Variants in ADAMTSL1 observed in about 807,000 individuals in gnomAD.
ADAMTSL1 encodes the protein ADAMTS-like protein 1.
In ADAMTSL1, 126 loss-of-function variants were observed where a neutral mutation model predicts 201.8. That is an observed-to-expected ratio of 0.62 (90% confidence interval 0.54 to 0.72). The LOEUF (loss-of-function observed/expected upper bound fraction) is 0.72, where lower values mean the gene tolerates loss of function less well. Ranked by LOEUF, ADAMTSL1 falls within the 30% of genes least tolerant of loss-of-function variation. The pLI is 0.00. For synonymous variants in ADAMTSL1, 1,121 were observed against 903.4 expected (o/e 1.24, Z -4.32); for missense variants, 2,679 against 2,277.8 (o/e 1.18, Z -3.59).
intron 2 of ADAMTSL1, among the ~76,000 whole-genome samples, chr9:18,407,828 T>C (rs1818269217): frequency 6.6e-6 from 1 of 152,164 alleles, no homozygotes; most frequent in African/African-American, 2.4e-5. Context: ...CAGAGAAGAA[T>C]GAGAGGGTCA....
At chr9:18,704,303 A>G (rs913709969) in intron 13 of ADAMTSL1, among the ~76,000 whole-genome samples, 1 of 152,240 alleles carries the variant, frequency 6.6e-6, no homozygotes, top group East Asian at 1.9e-4. Flanking sequence ...GTCCCTTTAT[A>G]GAAAAAGCTG....
At chr9:18,590,983 T>C (rs935478254) in intron 4 of ADAMTSL1, among the ~76,000 whole-genome samples, 2 of 152,182 alleles carry the variant, frequency 1.3e-5, no homozygotes. Context: ...CATGTGTTGA[T>C]AGGAAAAGTA....
chr9:18,290,783 T>TTTTTG (rs1554651157), intron 2 of ADAMTSL1, among the ~76,000 whole-genome samples: 8 of 80,196 alleles, frequency 1.0e-4, no homozygotes, highest in Admixed American at 1.9e-4. Flanking sequence ...TTTTGTGTGT[T>TTTTTG]TTTTTTTTTT....
intron 1 of ADAMTSL1, among the ~76,000 whole-genome samples, chr9:17,984,738 G>A (rs1230506655): frequency 6.6e-6 from 1 of 151,980 alleles, no homozygotes; most frequent in Non-Finnish European, 1.5e-5. Context: ...TTCTTTTGAT[G>A]GCATCCAGGC....
At chr9:18,778,362 A>G (rs1192780099) in intron 19 of ADAMTSL1, among the ~76,000 whole-genome samples, 1 of 152,184 alleles carries the variant, frequency 6.6e-6, no homozygotes, top group Non-Finnish European at 1.5e-5. Flanking sequence ...GCTGTTTCCC[A>G]TGGGTGAGCC....
chr9:18,249,372 G>T (rs969434553), intron 2 of ADAMTSL1, among the ~76,000 whole-genome samples: 2 of 152,158 alleles, frequency 1.3e-5, no homozygotes, highest in African/African-American at 4.8e-5. Context: ...TATCACTTCT[G>T]TCAATAAGAG....
Position 17,984,526 on chromosome 9 carries a change from C to G in ADAMTSL1, c.87+77604C>G, listed in dbSNP as rs952699171. On this transcript the variant is annotated intron_variant, in intron 1 of 29. Transcript: ENST00000680146. The stretch of plus-strand genomic sequence containing the variant: ...TTTATATGAAGTATGTACCAATTGA[C>G]AAGTTATTTCCAAATTTTTCTGTTA... Among the ~76,000 whole-genome samples the G allele has an allele frequency of 4.6e-5, 7 of 152,140 alleles. 1 individual carries two copies. The South Asian group carries it at 1.5e-3, about 32-fold the overall frequency.
chr9:18,827,934 C>T (rs970832694), intron 22 of ADAMTSL1, among the ~76,000 whole-genome samples: 21 of 152,204 alleles, frequency 1.4e-4, no homozygotes, highest in Non-Finnish European at 2.9e-4. Context: ...TTAGCAGGTA[C>T]TTTATGAACA....
intron 21 of ADAMTSL1, among the ~76,000 whole-genome samples, chr9:18,820,031 T>C (rs1335518546): frequency 1.3e-5 from 2 of 152,214 alleles, no homozygotes; most frequent in East Asian, 3.9e-4. Flanking sequence ...CTTAGTGACC[T>C]CCTGATTGGT....
chr9:18,005,095 A>T (rs535446975), intron 1 of ADAMTSL1, among the ~76,000 whole-genome samples: 2 of 152,244 alleles, frequency 1.3e-5, no homozygotes, highest in South Asian at 4.1e-4. Flanking sequence ...ACGGTAGCTT[A>T]CGCTATAATG....
chr9:18,635,913 C>A, intron 5 of ADAMTSL1, 30 bp from the exon 6 acceptor site: 1 of 1,579,946 alleles, frequency 6.3e-7, no homozygotes, highest in South Asian at 1.2e-5. Flanking sequence ...AAGTGACATG[C>A]TTTTAAGATT....
chr9:18,770,300 C>A (rs1196221194), intron 16 of ADAMTSL1, among the ~76,000 whole-genome samples: 1 of 152,166 alleles, frequency 6.6e-6, no homozygotes, highest in Non-Finnish European at 1.5e-5. Context: ...ACCTTTTAAA[C>A]CAGTTGTCTT....
intron 1 of ADAMTSL1, among the ~76,000 whole-genome samples, chr9:18,025,850 A>G (rs1820670804): frequency 6.6e-6 from 1 of 151,924 alleles, no homozygotes; most frequent in African/African-American, 2.4e-5. Flanking sequence ...CGTTAGTATG[A>G]CTATTTTAAC....
intron 2 of ADAMTSL1, among the ~76,000 whole-genome samples, chr9:18,365,208 A>C (rs1305406336): frequency 6.6e-6 from 1 of 152,202 alleles, no homozygotes; most frequent in African/African-American, 2.4e-5. Flanking sequence ...ATGTATTTTC[A>C]ATGGAATACT....
chr9:18,390,493 G>T (rs1477361518), intron 2 of ADAMTSL1, among the ~76,000 whole-genome samples: 2 of 152,204 alleles, frequency 1.3e-5, no homozygotes, highest in African/African-American at 2.4e-5. Flanking sequence ...CTCTCGGTCA[G>T]CTTTTGCTTA....
intron 1 of ADAMTSL1, among the ~76,000 whole-genome samples, chr9:17,957,088 G>T (rs138973562): frequency 1.3e-5 from 2 of 151,940 alleles, no homozygotes; most frequent in African/African-American, 2.4e-5. Flanking sequence ...GAAACGCTCC[G>T]GTATTGTCAA....
intron 1 of ADAMTSL1, among the ~76,000 whole-genome samples, chr9:18,486,541 G>GA (rs1202153556): frequency 2.0e-5 from 3 of 152,056 alleles, no homozygotes; most frequent in Admixed American, 1.3e-4. Context: ...TCATCTCTAA[G>GA]AAAAAATGCA....
At chr9:18,144,395 A>C (rs970427256) in intron 1 of ADAMTSL1, among the ~76,000 whole-genome samples, 1 of 151,860 alleles carries the variant, frequency 6.6e-6, no homozygotes, top group East Asian at 1.9e-4. Flanking sequence ...TAGTAGAGAC[A>C]GGGTTTCACC....
At chr9:18,548,666 T>C (rs1449660922) in intron 3 of ADAMTSL1, among the ~76,000 whole-genome samples, 1 of 152,132 alleles carries the variant, frequency 6.6e-6, no homozygotes, top group African/African-American at 2.4e-5. Flanking sequence ...TAATTCAGCA[T>C]TTATGGTGAT....
Sources: gnomAD v4.1 joint callset for allele counts (sites outside exome capture counted in the v4.1 genomes callset) on GRCh38, gnomAD v4.1.1 for gene constraint, MANE v1.5 for transcripts, NCBI Gene and HGNC (gene_info 2026-07-23, HGNC 2026-07-21) for gene names.